RBM20: variants seen among roughly 807,000 people sequenced by gnomAD.
RBM20 encodes RNA binding motif protein 20.
RBM20 carries 51 observed loss-of-function variants against 110.1 expected under a neutral mutation model. That is an observed-to-expected ratio of 0.46 (90% CI 0.37 to 0.59). The LOEUF is 0.59. Ranked by LOEUF, RBM20 falls within the 20% of genes least tolerant of loss-of-function variation. RBM20 has a pLI of 0.00. For synonymous variants in RBM20, 589 were observed against 618.2 expected, an observed-to-expected ratio of 0.95 and a Z score of 0.70; for missense variants, 1,512 against 1,574.9, an observed-to-expected ratio of 0.96 and a Z score of 0.68.
intron 1 of RBM20, among the ~76,000 whole-genome samples, chr10:110,776,275 G>A (rs1844263128): frequency 6.6e-6 from 1 of 152,160 alleles, no homozygotes; most frequent in Admixed American, 6.5e-5. Context: ...CCTCTCTAGT[G>A]GAAGCCACTT....
chr10:110,831,388 A>G, intron 13 of RBM20: 1 of 488,414 alleles, frequency 2.0e-6, no homozygotes, highest in South Asian at 3.5e-5. Context: ...TACATGGAAA[A>G]CCCCTAATCT....
rs769531546 is a variant in RBM20 at position 110,823,507 on chromosome 10, C to A, written c.3344C>A (p.Ser1115Tyr). ...PENSRYVEMK[S>Y]LEVRSPEYTE... Reference sequence around the variant, plus strand: ...AACTCCAGGTACGTGGAAATGAAATCTCTGGAGGTGAGGTCACCAGAGTAC... The same window carrying A: ...AACTCCAGGTACGTGGAAATGAAATATCTGGAGGTGAGGTCACCAGAGTAC... Residue 1115 changes from serine to tyrosine, a missense_variant, in exon 12 of 14, where the codon TCT becomes TAT. Transcript: ENST00000369519. 1.4e-6 allele frequency: 2 copies of A among 1,479,466 alleles called. No individual in the cohort carries two copies. The highest frequency in any genetic ancestry group is 9.0e-7 in the Non-Finnish European group (1 of 1,110,210). 91.6% of individuals were successfully genotyped at this position (1,479,466 alleles called of 1,614,324 possible).
chr10:110,823,585 A>T lies in RBM20; in HGVS notation c.3422A>T (p.Asp1141Val), dbSNP rs1287531190. Residue 1141 changes from aspartate (D) to valine (V), a missense_variant, in exon 12 of 14, where the codon GAT (aspartate) becomes GTT (valine). Transcript: ENST00000369519. Reference protein sequence around the residue: ...PLSLPSWEPEDVFSELSIPLG... With the variant: ...PLSLPSWEPEVVFSELSIPLG... ...TCTTTGCCCTCTTGGGAACCAGAGG[A>T]TGTGTTCAGTGAACTTAGCATTCCT... The T allele has an allele frequency of 3.9e-6, 6 of 1,551,556 alleles. No homozygotes were observed. Among genetic ancestry groups the T allele is most frequent in the African/African-American group, 1.4e-5 (1 of 73,110 alleles).
intron 1 of RBM20, among the ~76,000 whole-genome samples, chr10:110,666,520 C>T (rs528996152): frequency 1.1e-4 from 17 of 152,256 alleles, no homozygotes; most frequent in African/African-American, 3.6e-4. Context: ...GTGGTACATG[C>T]CTGTAGCCCC....
chr10:110,769,035 A>C (rs1844149345), intron 1 of RBM20, among the ~76,000 whole-genome samples: 1 of 152,230 alleles, frequency 6.6e-6, no homozygotes, highest in African/African-American at 2.4e-5. Flanking sequence ...AAAGTAATAA[A>C]GAACAGATTG....
At chr10:110,811,603 G>C (rs1428090580) in intron 8 of RBM20, among the ~76,000 whole-genome samples, 1 of 152,088 alleles carries the variant, frequency 6.6e-6, no homozygotes, top group Middle Eastern at 3.2e-3. Flanking sequence ...TCCTTGTCTG[G>C]GTTTCAGTTT....
chr10:110,658,927 T>C (rs117310500), intron 1 of RBM20, among the ~76,000 whole-genome samples: 1,905 of 152,278 alleles, frequency 0.013, 19 homozygotes, highest in Admixed American at 0.022. Flanking sequence ...TAATTGTCTG[T>C]GGCTCCCATA....
In RBM20 at chr10:110,823,848, A is replaced by G. The variant is rs4918595; in HGVS notation, c.3451+234A>G. Among the ~76,000 whole-genome samples, 75,286 of 151,468 alleles carry G rather than the reference A, an allele frequency of 0.5. 19,055 individuals carry two copies. Among genetic ancestry groups the G allele is most frequent in the East Asian group, 0.65 (3,368 of 5,150 alleles). On this transcript the variant is annotated intron_variant, in intron 12 of 13. Transcript: ENST00000369519. ...TCCTCCCACCTCAGCCTCCTGAGAA[A>G]CTTGGACAACAGGTACACACCACCA...
intron 1 of RBM20, among the ~76,000 whole-genome samples, chr10:110,710,108 G>A (rs1384356384): frequency 6.6e-6 from 1 of 152,084 alleles, no homozygotes; most frequent in Non-Finnish European, 1.5e-5. Flanking sequence ...CACTGAATTC[G>A]ATCAACTTTT....
intron 12 of RBM20, among the ~76,000 whole-genome samples, chr10:110,826,338 A>G (rs726803): frequency 0.51 from 77,393 of 151,916 alleles, 20,117 homozygotes; most frequent in East Asian, 0.73. Flanking sequence ...GACCATCACC[A>G]CAATCAAGAC....
intron 1 of RBM20, among the ~76,000 whole-genome samples, chr10:110,682,949 CTGT>C (rs1341138702): frequency 6.6e-6 from 1 of 152,196 alleles, no homozygotes; most frequent in Non-Finnish European, 1.5e-5. Flanking sequence ...TAAGGAAGAG[CTGT>C]TGTTCCTTCT....
At chr10:110,830,956 G>A in intron 12 of RBM20, 105 bp from the exon 13 acceptor site, 1 of 1,140,184 alleles carries the variant, frequency 8.8e-7, no homozygotes. Context: ...AGCAAGTGAG[G>A]GGTGGAGCTC....
chr10:110,730,717 T>G (rs1273616106), intron 1 of RBM20, among the ~76,000 whole-genome samples: 2 of 152,228 alleles, frequency 1.3e-5, no homozygotes, highest in African/African-American at 2.4e-5. Flanking sequence ...CAATCTCTCT[T>G]GGAGTCCTGA....
At chr10:110,716,343 C>G (rs1056068050) in intron 1 of RBM20, among the ~76,000 whole-genome samples, 2 of 152,250 alleles carry the variant, frequency 1.3e-5, no homozygotes, top group African/African-American at 4.8e-5. Context: ...CCTCAGGGCA[C>G]CTGGCTTCTC....
In RBM20 at chr10:110,714,786, AGTAGTTGACCTG is replaced by A. The variant is rs563980354; in HGVS notation, c.192-66012_192-66001del. Among the ~76,000 whole-genome samples, 168 of 152,312 alleles carry A rather than the reference AGTAGTTGACCTG, an allele frequency of 1.1e-3. 4 individuals are homozygous for A. The East Asian group carries it at 0.031, about 29-fold the overall frequency. On this transcript the variant is annotated intron_variant, in intron 1 of 13. Transcript: ENST00000369519. The stretch of plus-strand genomic sequence containing the variant: ...CATCTTCCAAGAAGAATCCTTCCCT[AGTAGTTGACCTG>A]GTTGGAGACCCAGCAGCTCAGGGTG...
intron 1 of RBM20, among the ~76,000 whole-genome samples, chr10:110,767,691 G>T (rs1242178452): frequency 2.6e-5 from 4 of 151,920 alleles, no homozygotes; most frequent in African/African-American, 4.8e-5. Flanking sequence ...ATCCCAGACG[G>T]GGTGGCGGGG....
chr10:110,800,012 G>A, intron 7 of RBM20, 94 bp downstream of exon 7: 1 of 1,201,756 alleles, frequency 8.3e-7, no homozygotes, highest in Non-Finnish European at 1.2e-6. Context: ...GTGGAAAGGA[G>A]AGGATAGGAA....
At chr10:110,824,383 A>G (rs1436472015) in intron 12 of RBM20, among the ~76,000 whole-genome samples, 3 of 152,184 alleles carry the variant, frequency 2.0e-5, no homozygotes, top group East Asian at 3.8e-4. Flanking sequence ...TTTCTGAGGC[A>G]ATGATGCTGA....
chr10:110,682,443 A>G (rs1049717154), intron 1 of RBM20, among the ~76,000 whole-genome samples: 1 of 151,952 alleles, frequency 6.6e-6, no homozygotes, highest in African/African-American at 2.4e-5. Context: ...GCAACTACCC[A>G]CCTTTACTGT....
Sources: gnomAD v4.1 joint callset for allele counts (sites outside exome capture counted in the v4.1 genomes callset) on GRCh38, gnomAD v4.1.1 for gene constraint, MANE v1.5 for transcripts, NCBI Gene and HGNC (gene_info 2026-07-23, HGNC 2026-07-21) for gene names.